Variants in ATOSA observed in about 807,000 individuals in gnomAD.
ATOSA encodes atos homolog protein A.
At chr15:52,661,445 T>C in the ATOSA span, among the ~76,000 whole-genome samples, 1 of 152,240 alleles carries the variant, frequency 6.6e-6, no homozygotes, top group Non-Finnish European at 1.5e-5. Flanking sequence ...TTTACTTTTT[T>C]AGTTGGACAG....
the ATOSA span, among the ~76,000 whole-genome samples, chr15:52,709,371 T>C: frequency 6.6e-6 from 1 of 152,214 alleles, no homozygotes; most frequent in Non-Finnish European, 1.5e-5. Flanking sequence ...GAGTGCTTAC[T>C]GCTGAATGAG....
the ATOSA span, among the ~76,000 whole-genome samples, chr15:52,684,830 GC>G: frequency 6.6e-6 from 1 of 151,954 alleles, no homozygotes; most frequent in Admixed American, 6.6e-5. Flanking sequence ...TCCTGCCTTG[GC>G]CCCCCAAAGT....
the ATOSA span, among the ~76,000 whole-genome samples, chr15:52,660,092 C>T: frequency 6.6e-6 from 1 of 152,082 alleles, no homozygotes; most frequent in South Asian, 2.1e-4. Context: ...TTTCATGAAA[C>T]TCACTGATAT....
the ATOSA span, among the ~76,000 whole-genome samples, chr15:52,639,587 A>C: frequency 6.6e-6 from 1 of 152,220 alleles, no homozygotes; most frequent in Non-Finnish European, 1.5e-5. Context: ...TTATCTATAG[A>C]AAATAGCTGA....
the ATOSA span, among the ~76,000 whole-genome samples, chr15:52,607,157 T>C: frequency 1.4e-4 from 21 of 152,206 alleles, no homozygotes; most frequent in Admixed American, 9.8e-4. Flanking sequence ...ACGACTTATT[T>C]ACGGTCACTT....
the ATOSA span, among the ~76,000 whole-genome samples, chr15:52,636,380 T>C: frequency 0.012 from 1,888 of 152,200 alleles, 14 homozygotes; most frequent in Non-Finnish European, 0.018. Flanking sequence ...CCAAAACTCA[T>C]ATGTTGAAGT....
chr15:52,628,135 G>C, the ATOSA span, among the ~76,000 whole-genome samples: 5 of 152,274 alleles, frequency 3.3e-5, no homozygotes, highest in East Asian at 9.6e-4. Flanking sequence ...ATGTCTCTTA[G>C]ATATATCTAA....
At chr15:52,642,810 C>G in the ATOSA span, among the ~76,000 whole-genome samples, 1 of 152,042 alleles carries the variant, frequency 6.6e-6, no homozygotes, top group Non-Finnish European at 1.5e-5. Flanking sequence ...AAAAAAGATC[C>G]TATTTATTTT....
At chr15:52,610,441 T>C in the ATOSA span, 3 of 1,483,174 alleles carry the variant, frequency 2.0e-6, no homozygotes, top group African/African-American at 1.4e-5. Flanking sequence ...ATCCTTATTA[T>C]TGTATATTAT....
At chr15:52,593,396 A>G in the ATOSA span, 1 of 569,362 alleles carries the variant, frequency 1.8e-6, no homozygotes, top group Non-Finnish European at 3.1e-6. Context: ...CTTAAATGCA[A>G]AAGAGGTTAT....
At chr15:52,656,914 A>G in the ATOSA span, 5 of 152,236 alleles carry the variant, frequency 3.3e-5, no homozygotes, top group East Asian at 9.6e-4. Context: ...GATGTTGTTA[A>G]TCTCCTGCTA....
At chr15:52,616,204 G>T in the ATOSA span, among the ~76,000 whole-genome samples, 1 of 152,220 alleles carries the variant, frequency 6.6e-6, no homozygotes, top group African/African-American at 2.4e-5. Flanking sequence ...TTGAGTAGGG[G>T]TATGTGGTGG....
At chr15:52,600,180 A>G in the ATOSA span, 2 of 1,612,610 alleles carry the variant, frequency 1.2e-6, no homozygotes, top group Non-Finnish European at 1.7e-6. Flanking sequence ...CTAGAACTCA[A>G]AAATGGTTTT....
chr15:52,664,543 G>T, the ATOSA span, among the ~76,000 whole-genome samples: 1 of 152,202 alleles, frequency 6.6e-6, no homozygotes, highest in Admixed American at 6.5e-5. Context: ...AACTCACCCA[G>T]CTAGTAATAA....
At chr15:52,601,541 A>G in the ATOSA span, among the ~76,000 whole-genome samples, 1 of 151,732 alleles carries the variant, frequency 6.6e-6, no homozygotes, top group South Asian at 2.1e-4. Context: ...AAAAAAAAAA[A>G]AAAAGAAAAC....
chr15:52,668,987 GCT>G, the ATOSA span, among the ~76,000 whole-genome samples: 4 of 151,212 alleles, frequency 2.6e-5, no homozygotes, highest in Admixed American at 2.6e-4. Context: ...CTCACTGCAA[GCT>G]CCGCCTCCCC....
chr15:52,654,653 AG>A, the ATOSA span, among the ~76,000 whole-genome samples: 1 of 152,178 alleles, frequency 6.6e-6, no homozygotes, highest in Non-Finnish European at 1.5e-5. Flanking sequence ...ATGCTCCTGT[AG>A]GGAAACAAAT....
the ATOSA span, among the ~76,000 whole-genome samples, chr15:52,698,948 A>G: frequency 6.6e-6 from 1 of 152,202 alleles, no homozygotes; most frequent in Admixed American, 6.5e-5. Flanking sequence ...CCATGGCAAA[A>G]CTTTGGAAAA....
At chr15:52,601,171 G>A in the ATOSA span, 3 of 1,515,864 alleles carry the variant, frequency 2.0e-6, no homozygotes, top group Non-Finnish European at 2.7e-6. Context: ...GGAACCTAAG[G>A]TCAAAACGAT....
Sources: gnomAD v4.1 joint callset for allele counts (sites outside exome capture counted in the v4.1 genomes callset) on GRCh38, gnomAD v4.1.1 for gene constraint, MANE v1.5 for transcripts, NCBI Gene and HGNC (gene_info 2026-07-23, HGNC 2026-07-21) for gene names.